The following MCPH1 variants were observed in gnomAD, a reference collection of about 807,000 sequenced individuals.
MCPH1 encodes the protein microcephalin 1.
A neutral mutation model predicts 84.5 loss-of-function variants in MCPH1; 104 were observed. The ratio of observed to expected loss-of-function variants is 1.23; its 90% CI spans 1.05 to 1.45. The LOEUF (loss-of-function observed/expected upper bound fraction) is 1.45. Among genes scored for constraint, MCPH1 ranks in the 40% most tolerant of loss-of-function variants. MCPH1 has a pLI of 0.00. For missense variants in MCPH1, 1,498 were observed against 1,005.7 expected (o/e 1.49, Z -6.62); for synonymous variants, 514 against 366.8 (o/e 1.40, Z -4.58).
intron 12 of MCPH1, chr8:6,620,373 G>T (rs1157501855): frequency 6.6e-6 from 1 of 152,172 alleles, no homozygotes; most frequent in African/African-American, 2.4e-5. Context: ...CCTAGCAGAA[G>T]AATAGTTCAC....
intron 8 of MCPH1, chr8:6,447,074 C>T (rs573874156): frequency 2.0e-6 from 2 of 985,456 alleles, no homozygotes; most frequent in South Asian, 9.4e-5. Flanking sequence ...GGATCTTCTA[C>T]AGTCACCTGC....
At chr8:6,587,502 G>T (rs1230776838) in intron 12 of MCPH1, among the ~76,000 whole-genome samples, 1 of 152,176 alleles carries the variant, frequency 6.6e-6, no homozygotes. Context: ...ATAGAACACT[G>T]TTTCTCGTCT....
At chr8:6,499,987 T>C in intron 12 of MCPH1, 58 bp downstream of exon 12, 1 of 1,448,610 alleles carries the variant, frequency 6.9e-7, no homozygotes, top group Non-Finnish European at 9.7e-7. Flanking sequence ...AAGAAATTAT[T>C]ATAAACATAA....
intron 13 of MCPH1, among the ~76,000 whole-genome samples, chr8:6,641,725 C>G (rs995498060): frequency 2.6e-5 from 4 of 152,192 alleles, no homozygotes; most frequent in Non-Finnish European, 4.4e-5. Context: ...ACCTGCGTGA[C>G]TGAGCAAGAC....
chr8:6,412,262 C>T (rs1310966180), intron 2 of MCPH1, among the ~76,000 whole-genome samples: 4 of 151,992 alleles, frequency 2.6e-5, no homozygotes, highest in Admixed American at 2.0e-4. Context: ...TTGCACATGC[C>T]TAACATTTAC....
intron 13 of MCPH1, among the ~76,000 whole-genome samples, chr8:6,633,381 T>C (rs907695941): frequency 2.0e-5 from 3 of 152,214 alleles, no homozygotes; most frequent in African/African-American, 7.2e-5. Context: ...GTATACCCAA[T>C]GATAAACAAT....
chr8:6,478,224 A>G (rs1808731206), intron 10 of MCPH1, among the ~76,000 whole-genome samples: 1 of 152,204 alleles, frequency 6.6e-6, no homozygotes, highest in Non-Finnish European at 1.5e-5. Context: ...TTTCAGTGAA[A>G]AATATGCTGC....
intron 12 of MCPH1, among the ~76,000 whole-genome samples, chr8:6,565,441 G>C (rs1586653414): frequency 1.3e-5 from 2 of 151,978 alleles, no homozygotes; most frequent in Non-Finnish European, 2.9e-5. Flanking sequence ...ATTATTTTTT[G>C]TAGAGACGGG....
intron 3 of MCPH1, among the ~76,000 whole-genome samples, chr8:6,415,158 A>G (rs1309112602): frequency 4.6e-5 from 7 of 152,074 alleles, no homozygotes; most frequent in African/African-American, 1.7e-4. Context: ...GAATGTGATG[A>G]AGCAGATTGT....
intron 12 of MCPH1, among the ~76,000 whole-genome samples, chr8:6,529,453 C>CTT (rs200029751): frequency 5.9e-5 from 8 of 136,034 alleles, no homozygotes; most frequent in East Asian, 4.2e-4. Flanking sequence ...AGCCATTTTT[C>CTT]TTTTTTTTTT....
Position 6,648,277 on chromosome 8 carries a change from C to T in MCPH1, c.*5228C>T, listed in dbSNP as rs1798309975. The T allele has an allele frequency of 6.6e-6, 1 of 152,274 alleles. No individual in the cohort carries two copies. The highest frequency in any genetic ancestry group is 6.5e-5 in the Admixed American group (1 of 15,286). The allele number at this position is 152,274 out of a possible 1,614,324, so 9.4% of individuals were successfully genotyped here. A position where few individuals can be genotyped will look rare whatever the true frequency, so the allele number is the denominator to read the frequency against. Reference sequence around the variant, plus strand: ...ACCTCCACAGTGGCCAGAAGGTTTTCCATACCTGAGCCTGCTTCTACCCAC... The same window carrying T: ...ACCTCCACAGTGGCCAGAAGGTTTTTCATACCTGAGCCTGCTTCTACCCAC... On this transcript the variant is annotated 3_prime_UTR_variant, in exon 14 of 14. Transcript: ENST00000344683.
intron 12 of MCPH1, among the ~76,000 whole-genome samples, chr8:6,535,828 G>C (rs998826652): frequency 2.0e-5 from 3 of 151,636 alleles, no homozygotes; most frequent in Admixed American, 6.6e-5. Flanking sequence ...CAGGAGGATT[G>C]CTTGCTCTCA....
chr8:6,470,863 G>A (rs534602400), intron 9 of MCPH1, among the ~76,000 whole-genome samples: 5 of 152,354 alleles, frequency 3.3e-5, no homozygotes, highest in Admixed American at 6.5e-5. Flanking sequence ...AAGGAGAAAA[G>A]TAGTGTTGCT....
chr8:6,636,073 T>G (rs921201144), intron 13 of MCPH1, among the ~76,000 whole-genome samples: 1 of 152,214 alleles, frequency 6.6e-6, no homozygotes, highest in African/African-American at 2.4e-5. Context: ...GCACGGTGGC[T>G]CACGCCTGTA....
chr8:6,492,980 G>A (rs1202029997), intron 11 of MCPH1, among the ~76,000 whole-genome samples: 1 of 152,128 alleles, frequency 6.6e-6, no homozygotes, highest in Non-Finnish European at 1.5e-5. Context: ...AAAAAATAGT[G>A]ATTGCTCTTA....
At chr8:6,554,623 A>C (rs1198742440) in intron 12 of MCPH1, among the ~76,000 whole-genome samples, 1 of 152,194 alleles carries the variant, frequency 6.6e-6, no homozygotes, top group African/African-American at 2.4e-5. Context: ...TCAACTATGA[A>C]TATTTTGTGG....
intron 7 of MCPH1, among the ~76,000 whole-genome samples, 199 bp from the exon 8 acceptor site, chr8:6,444,194 C>T (rs1160195838): frequency 6.6e-6 from 1 of 152,178 alleles, no homozygotes; most frequent in African/African-American, 2.4e-5. Flanking sequence ...CCCATACACC[C>T]ATCAAAGCCC....
At chr8:6,469,188 A>G (rs367655718) in intron 9 of MCPH1, among the ~76,000 whole-genome samples, 3 of 152,208 alleles carry the variant, frequency 2.0e-5, no homozygotes, top group East Asian at 3.9e-4. Context: ...AAAAATAAAC[A>G]AAAAAGAAAC....
At chr8:6,474,846 A>T (rs1808229555) in intron 9 of MCPH1, among the ~76,000 whole-genome samples, 1 of 152,198 alleles carries the variant, frequency 6.6e-6, no homozygotes, top group Non-Finnish European at 1.5e-5. Flanking sequence ...AAAAATAAGA[A>T]TAATAATACT....
Sources: gnomAD v4.1 joint callset for allele counts (sites outside exome capture counted in the v4.1 genomes callset) on GRCh38, gnomAD v4.1.1 for gene constraint, MANE v1.5 for transcripts, NCBI Gene and HGNC (gene_info 2026-07-23, HGNC 2026-07-21) for gene names.